The following MRPS28 variants were observed in gnomAD, a reference collection of about 807,000 sequenced individuals.
MRPS28 encodes mitochondrial ribosomal protein S28, also known as small ribosomal subunit protein bS1m.
In MRPS28, 7 loss-of-function variants were observed where a neutral mutation model predicts 10.8. The observed-to-expected ratio is 0.65, with a 90% CI of 0.37 to 1.22. MRPS28 has a LOEUF of 1.22. MRPS28 is among the 50% of genes most tolerant of loss of function. The probability of loss-of-function intolerance (pLI) is 0.02; values close to 1 mark genes in which losing one functional copy is unlikely to be tolerated. For missense variants in MRPS28, 265 were observed against 232.9 expected, an observed-to-expected ratio of 1.14 and a Z score of -0.90; for synonymous variants, 121 against 93.3, an observed-to-expected ratio of 1.30 and a Z score of -1.71.
intron 2 of MRPS28, among the ~76,000 whole-genome samples, chr8:79,974,410 G>A (rs981274466): frequency 6.6e-6 from 1 of 151,748 alleles, no homozygotes; most frequent in African/African-American, 2.4e-5. Context: ...CGTGGTGGTG[G>A]GCGCCTGTAG....
At chr8:80,004,076 C>T (rs1283373389) in intron 1 of MRPS28, among the ~76,000 whole-genome samples, 1 of 152,184 alleles carries the variant, frequency 6.6e-6, no homozygotes, top group Non-Finnish European at 1.5e-5. Context: ...CATAGCCGAA[C>T]AAAAGGCAGG....
intron 2 of MRPS28, among the ~76,000 whole-genome samples, chr8:79,992,503 A>C (rs905486197): frequency 1.3e-5 from 2 of 152,242 alleles, no homozygotes; most frequent in African/African-American, 4.8e-5. Context: ...TGAAGAAGCC[A>C]GATGCTTGAC....
At chr8:79,956,347 TTTTA>T (rs986808922) in intron 2 of MRPS28, 2 of 152,132 alleles carry the variant, frequency 1.3e-5, no homozygotes, top group African/African-American at 2.4e-5. Context: ...TTTGAATAGA[TTTTA>T]TTTCTTATAC....
chr8:79,944,070 T>C (rs912257544), intron 2 of MRPS28, among the ~76,000 whole-genome samples: 2 of 152,202 alleles, frequency 1.3e-5, no homozygotes, highest in African/African-American at 4.8e-5. Context: ...AAAAATTTCA[T>C]TGGTGAAAAC....
intron 2 of MRPS28, among the ~76,000 whole-genome samples, chr8:79,990,341 A>G (rs923481542): frequency 3.3e-5 from 5 of 152,184 alleles, no homozygotes; most frequent in Admixed American, 6.5e-5. Flanking sequence ...AGGCTCTTCT[A>G]GCTTTCTGTT....
chr8:79,988,614 TAA>T (rs1172359832), intron 2 of MRPS28, among the ~76,000 whole-genome samples: 1 of 152,122 alleles, frequency 6.6e-6, no homozygotes, highest in African/African-American at 2.4e-5. Flanking sequence ...TGGATATGTA[TAA>T]ATGGAGACAT....
At position 79,918,921 on chromosome 8, in the gene MRPS28, T is replaced by A; in HGVS notation, c.*59A>T. The stretch of plus-strand genomic sequence containing the variant: ...ATCATTTATTCACAATTAGTCTAAT[T>A]GCATTCTTGATGAATAACTGACTTC... On this transcript the variant is annotated 3_prime_UTR_variant, in exon 3 of 3. Transcript: ENST00000276585. 7.9e-7 allele frequency: 1 copy of A among 1,273,138 alleles called. No individual in the cohort carries two copies. The highest frequency in any genetic ancestry group is 1.0e-6 in the Non-Finnish European group (1 of 958,278). 78.9% of individuals were successfully genotyped at this position (1,273,138 alleles called of 1,614,324 possible). A position where few individuals can be genotyped will look rare whatever the true frequency, so the allele number is the denominator to read the frequency against.
At chr8:79,979,419 G>A (rs1361421282) in intron 2 of MRPS28, among the ~76,000 whole-genome samples, 1 of 152,128 alleles carries the variant, frequency 6.6e-6, no homozygotes, top group Admixed American at 6.5e-5. Context: ...TAGATATGTT[G>A]TATAGGTCTG....
At chr8:80,006,247 T>A (rs1333834024) in intron 1 of MRPS28, among the ~76,000 whole-genome samples, 1 of 152,156 alleles carries the variant, frequency 6.6e-6, no homozygotes, top group East Asian at 1.9e-4. Context: ...AAAGCACTCC[T>A]CAGCAAATGT....
At chr8:79,998,397 T>C (rs558643325) in intron 2 of MRPS28, among the ~76,000 whole-genome samples, 1 of 152,238 alleles carries the variant, frequency 6.6e-6, no homozygotes, top group Non-Finnish European at 1.5e-5. Flanking sequence ...TAAGGTCCCA[T>C]GCATGTCTCA....
intron 1 of MRPS28, among the ~76,000 whole-genome samples, chr8:80,020,530 G>A (rs926626481): frequency 6.6e-6 from 1 of 152,156 alleles, no homozygotes; most frequent in African/African-American, 2.4e-5. Context: ...ACGAAAAATG[G>A]AAAGAATTGA....
chr8:80,029,689 T>A (rs769268719), intron 1 of MRPS28: 17 of 1,345,088 alleles, frequency 1.3e-5, no homozygotes, highest in Non-Finnish European at 1.6e-5. Context: ...CCTCTCCGTG[T>A]GAGTCCCATT....
chr8:79,958,373 G>T (rs1563526321), intron 2 of MRPS28: 3 of 698,758 alleles, frequency 4.3e-6, no homozygotes, highest in Non-Finnish European at 7.8e-6. Context: ...AGAGTTGGAA[G>T]AAAAACAGGT....
intron 2 of MRPS28, among the ~76,000 whole-genome samples, chr8:79,925,485 G>A (rs541623148): frequency 1.3e-5 from 2 of 152,022 alleles, no homozygotes; most frequent in African/African-American, 2.4e-5. Flanking sequence ...TAACCTTGCC[G>A]GGCTAGTATT....
intron 2 of MRPS28, among the ~76,000 whole-genome samples, chr8:79,936,147 G>T (rs1275680840): frequency 6.6e-6 from 1 of 151,788 alleles, no homozygotes; most frequent in Non-Finnish European, 1.5e-5. Context: ...AGGAGTTTGA[G>T]ATCAGCCTGG....
intron 2 of MRPS28, among the ~76,000 whole-genome samples, chr8:79,976,820 A>T (rs1807816271): frequency 6.6e-6 from 1 of 152,256 alleles, no homozygotes; most frequent in South Asian, 2.1e-4. Context: ...CTTTTAAAAT[A>T]AAATGATATT....
intron 2 of MRPS28, among the ~76,000 whole-genome samples, chr8:79,999,903 C>T (rs1309690880): frequency 6.6e-6 from 1 of 151,962 alleles, no homozygotes; most frequent in Non-Finnish European, 1.5e-5. Flanking sequence ...TTCAGACTTA[C>T]AGAACTAGAA....
At chr8:80,007,826 T>A (rs1394157346) in intron 1 of MRPS28, among the ~76,000 whole-genome samples, 1 of 152,022 alleles carries the variant, frequency 6.6e-6, no homozygotes, top group Non-Finnish European at 1.5e-5. Context: ...AGAATCAATA[T>A]CATGAAAATG....
intron 1 of MRPS28, among the ~76,000 whole-genome samples, chr8:80,026,560 C>A (rs1809497593): frequency 6.6e-6 from 1 of 152,164 alleles, no homozygotes; most frequent in Non-Finnish European, 1.5e-5. Flanking sequence ...CGAGTGCCCA[C>A]TATGGGTCAA....
Sources: gnomAD v4.1 joint callset for allele counts (sites outside exome capture counted in the v4.1 genomes callset) on GRCh38, gnomAD v4.1.1 for gene constraint, MANE v1.5 for transcripts, NCBI Gene and HGNC (gene_info 2026-07-23, HGNC 2026-07-21) for gene names.